The following IL1RAPL2 variants were observed in gnomAD, a reference collection of about 807,000 sequenced individuals.
IL1RAPL2 encodes X-linked interleukin-1 receptor accessory protein-like 2.
Under a neutral mutation model 44.1 loss-of-function variants are expected in IL1RAPL2, and 3 were observed. The observed-to-expected ratio is 0.07, with a 90% confidence interval of 0.03 to 0.18. IL1RAPL2 has a LOEUF of 0.18. IL1RAPL2 is among the 10% of genes least tolerant of loss of function. IL1RAPL2 has a pLI of 1.00. For missense variants in IL1RAPL2, 391 were observed against 496.4 expected (o/e 0.79, Z 2.02); for synonymous variants, 181 against 178.8 (o/e 1.01, Z -0.10).
At chrX:104,638,529 A>G (rs1423153267) in intron 1 of IL1RAPL2, among the ~76,000 whole-genome samples, 1 of 112,015 alleles carries the variant, frequency 8.9e-6, no homozygotes, top group East Asian at 2.8e-4. Context: ...CATTTGCTGT[A>G]TCCCACAAGT....
intron 2 of IL1RAPL2, among the ~76,000 whole-genome samples, chrX:104,746,134 C>T (rs917231552): frequency 5.4e-5 from 6 of 111,230 alleles, no homozygotes; most frequent in African/African-American, 2.0e-4. Context: ...GGAACTGTGC[C>T]GGACACATTA....
intron 1 of IL1RAPL2, among the ~76,000 whole-genome samples, chrX:104,591,373 G>A (rs1177512264): frequency 1.8e-5 from 2 of 111,394 alleles, no homozygotes; most frequent in South Asian, 3.8e-4. Context: ...TCCATGCCCC[G>A]CTAGCATGCA....
intron 4 of IL1RAPL2, among the ~76,000 whole-genome samples, chrX:105,245,762 G>T (rs778730992): frequency 8.9e-6 from 1 of 112,309 alleles, no homozygotes; most frequent in East Asian, 2.8e-4. Flanking sequence ...ATAGGATATT[G>T]GCAAGAAAAA....
chrX:105,016,996 G>T (rs917091072), intron 2 of IL1RAPL2, among the ~76,000 whole-genome samples: 3 of 111,462 alleles, frequency 2.7e-5, no homozygotes, highest in Admixed American at 9.5e-5. Flanking sequence ...TTCAGAAATT[G>T]TTATTCATCT....
intron 6 of IL1RAPL2, among the ~76,000 whole-genome samples, chrX:105,704,831 T>C (rs1256584242): frequency 9.0e-6 from 1 of 110,835 alleles, no homozygotes; most frequent in Non-Finnish European, 1.9e-5. Context: ...AAAGTTTTAC[T>C]ATATACGATG....
chrX:105,077,944 AT>A (rs1225613754), intron 2 of IL1RAPL2, among the ~76,000 whole-genome samples: 1 of 110,115 alleles, frequency 9.1e-6, no homozygotes, highest in Non-Finnish European at 1.9e-5. Flanking sequence ...CATTCATCTA[AT>A]TTTTTTCGAA....
intron 2 of IL1RAPL2, among the ~76,000 whole-genome samples, chrX:105,079,972 G>T (rs2032379593): frequency 8.9e-6 from 1 of 111,983 alleles, no homozygotes; most frequent in African/African-American, 3.2e-5. Flanking sequence ...CTTTTATTCA[G>T]GTTGGTTGGC....
At chrX:105,717,530 G>T in intron 7 of IL1RAPL2, 34 bp downstream of exon 7, 1 of 1,154,533 alleles carries the variant, frequency 8.7e-7, no homozygotes, top group Non-Finnish European at 1.2e-6. Context: ...TTTCTTTGCT[G>T]TCTTACGGGA....
intron 5 of IL1RAPL2, among the ~76,000 whole-genome samples, chrX:105,341,529 A>ATCTCTAACTGCCCTG (rs1362455160): frequency 1.8e-5 from 2 of 111,958 alleles, no homozygotes; most frequent in East Asian, 2.8e-4. Flanking sequence ...AAAACCTTTA[A>ATCTCTAACTGCCCTG]TCTCTAACTG....
chrX:105,425,449 C>T (rs1239654031), intron 5 of IL1RAPL2, among the ~76,000 whole-genome samples: 1 of 106,158 alleles, frequency 9.4e-6, no homozygotes, highest in African/African-American at 3.4e-5. Context: ...TTCCCCACCC[C>T]CACCTCAGGA....
At chrX:105,132,389 A>G (rs1036333640) in intron 2 of IL1RAPL2, among the ~76,000 whole-genome samples, 3 of 111,067 alleles carry the variant, frequency 2.7e-5, no homozygotes, top group African/African-American at 9.8e-5. Context: ...AGTTCATTTA[A>G]GATAATTTCG....
At chrX:105,301,293 A>G (rs1481108674) in intron 5 of IL1RAPL2, among the ~76,000 whole-genome samples, 1 of 111,725 alleles carries the variant, frequency 9.0e-6, no homozygotes, top group Non-Finnish European at 1.9e-5. Context: ...CATGGTAGGT[A>G]TATACATTTC....
In IL1RAPL2 at chrX:104,756,769, G is replaced by A. The variant is rs896056901; in HGVS notation, c.82+97774G>A. Among the ~76,000 whole-genome samples, 3 of 109,918 alleles carry A rather than the reference G, an allele frequency of 2.7e-5. No individual in the cohort carries two copies. In the Admixed American group the frequency reaches 3.0e-4, roughly 11 times the overall value. ...GATAAAGTTTTAGTTAAAGGGGCCA[G>A]GGAAGACTTCACTGAGGAGGACTCA... On this transcript the variant is annotated intron_variant, in intron 2 of 10. Coordinates refer to ENST00000372582, the MANE Select transcript of IL1RAPL2 (RefSeq NM_017416.2).
At chrX:105,224,154 G>A (rs1191762687) in intron 3 of IL1RAPL2, among the ~76,000 whole-genome samples, 1 of 110,868 alleles carries the variant, frequency 9.0e-6, no homozygotes, top group Non-Finnish European at 1.9e-5. Flanking sequence ...CTTGGAAAGG[G>A]TAGCAGATAC....
At chrX:104,766,241 T>C (rs1218835136) in intron 2 of IL1RAPL2, among the ~76,000 whole-genome samples, 1 of 112,567 alleles carries the variant, frequency 8.9e-6, no homozygotes, top group Admixed American at 9.4e-5. Context: ...CTTACTGAGA[T>C]ATAGAAAGCC....
chrX:105,752,197 C>T, intron 9 of IL1RAPL2, among the ~76,000 whole-genome samples: 2 of 111,619 alleles, frequency 1.8e-5, no homozygotes, highest in Middle Eastern at 4.7e-3. Context: ...ATCAACACTG[C>T]AGTCACACAC....
At chrX:105,173,401 G>A (rs1339641917) in intron 2 of IL1RAPL2, among the ~76,000 whole-genome samples, 1 of 111,922 alleles carries the variant, frequency 8.9e-6, no homozygotes, top group Non-Finnish European at 1.9e-5. Flanking sequence ...GTTTTCTAGA[G>A]GGAGGAGAGT....
chrX:104,656,302 G>T (rs12010300), intron 1 of IL1RAPL2, among the ~76,000 whole-genome samples: 3,118 of 111,366 alleles, frequency 0.028, 123 homozygotes, highest in African/African-American at 0.097. Flanking sequence ...GCTTTCTCTT[G>T]TGGGCATTTA....
intron 6 of IL1RAPL2, among the ~76,000 whole-genome samples, chrX:105,544,208 C>G (rs2036769379): frequency 9.0e-6 from 1 of 111,236 alleles, no homozygotes; most frequent in African/African-American, 3.3e-5. Context: ...TTAATTTTGG[C>G]TTATTCATTG....
Sources: gnomAD v4.1 joint callset for allele counts (sites outside exome capture counted in the v4.1 genomes callset) on GRCh38, gnomAD v4.1.1 for gene constraint, MANE v1.5 for transcripts, NCBI Gene and HGNC (gene_info 2026-07-23, HGNC 2026-07-21) for gene names.